The following SOX5 variants were observed in gnomAD, a reference collection of about 807,000 sequenced individuals.
The protein encoded by SOX5 is SRY-box transcription factor 5, also known as transcription factor SOX-5.
A neutral mutation model predicts 92.0 loss-of-function variants in SOX5; 9 were observed. The ratio of observed to expected loss-of-function variants is 0.10; its 90% CI spans 0.06 to 0.17. The LOEUF is 0.17. Ranked by LOEUF, SOX5 falls within the 10% of genes least tolerant of loss-of-function variation. SOX5 has a pLI of 1.00. For missense variants in SOX5, 642 were observed against 944.5 expected, an observed-to-expected ratio of 0.68 and a Z score of 4.20; for synonymous variants, 344 against 336.3, an observed-to-expected ratio of 1.02 and a Z score of -0.25.
intron 14 of SOX5, among the ~76,000 whole-genome samples, chr12:23,536,151 C>A (rs554000654): frequency 5.9e-5 from 9 of 152,236 alleles, no homozygotes; most frequent in African/African-American, 1.9e-4. Context: ...TAATGCAAAC[C>A]AATGAAGAAA....
chr12:24,261,151 G>T (rs868438690), intron 3 of SOX5, among the ~76,000 whole-genome samples: 3 of 149,698 alleles, frequency 2.0e-5, no homozygotes, highest in African/African-American at 7.4e-5. Context: ...AAAAGAATAA[G>T]AAATACTAAA....
intron 4 of SOX5, among the ~76,000 whole-genome samples, chr12:24,172,812 A>C (rs548133379): frequency 6.6e-6 from 1 of 152,316 alleles, no homozygotes; most frequent in South Asian, 2.1e-4. Context: ...AAAGAGAGTC[A>C]ATTAGGCTAT....
At chr12:24,306,229 G>A (rs184766003) in intron 2 of SOX5, among the ~76,000 whole-genome samples, 1 of 152,278 alleles carries the variant, frequency 6.6e-6, no homozygotes, top group East Asian at 1.9e-4. Context: ...GGGAAGCCAG[G>A]CACAAGTTGG....
intron 4 of SOX5, among the ~76,000 whole-genome samples, chr12:23,965,261 C>T (rs1395449476): frequency 6.6e-6 from 1 of 152,198 alleles, no homozygotes; most frequent in Non-Finnish European, 1.5e-5. Context: ...TATGTAGTGG[C>T]CTGACCGCTA....
chr12:24,036,693 T>C (rs1222648080), intron 4 of SOX5, among the ~76,000 whole-genome samples: 1 of 152,136 alleles, frequency 6.6e-6, no homozygotes, highest in Non-Finnish European at 1.5e-5. Context: ...GTGATTCAAA[T>C]GCATTTCTAC....
At chr12:24,369,853 A>G (rs975873082) in intron 1 of SOX5, among the ~76,000 whole-genome samples, 2 of 152,220 alleles carry the variant, frequency 1.3e-5, no homozygotes, top group Non-Finnish European at 2.9e-5. Context: ...AAATCTACAA[A>G]GTCCAAAAAG....
At chr12:24,507,562 A>G (rs1167255840) in intron 1 of SOX5, among the ~76,000 whole-genome samples, 1 of 152,222 alleles carries the variant, frequency 6.6e-6, no homozygotes, top group African/African-American at 2.4e-5. Flanking sequence ...CTTATTTGGA[A>G]CATTATTTTA....
At chr12:23,889,854 ATTTC>A (rs1348226345) in intron 2 of SOX5, among the ~76,000 whole-genome samples, 2 of 152,194 alleles carry the variant, frequency 1.3e-5, no homozygotes, top group African/African-American at 2.4e-5. Context: ...ATATATTCAG[ATTTC>A]TTTAACAATT....
At chr12:23,650,758 G>C (rs1419575747) in intron 7 of SOX5, among the ~76,000 whole-genome samples, 5 of 152,090 alleles carry the variant, frequency 3.3e-5, no homozygotes, top group Non-Finnish European at 5.9e-5. Flanking sequence ...GAAGCAAGTA[G>C]AGCTCATATC....
chr12:23,680,802 A>G (rs552161028), intron 6 of SOX5, among the ~76,000 whole-genome samples: 3 of 152,292 alleles, frequency 2.0e-5, no homozygotes, highest in Non-Finnish European at 4.4e-5. Context: ...TTAACAATAA[A>G]TATCACAACA....
At position 23,962,446 on chromosome 12, in the gene SOX5, C is replaced by G. The variant is rs140858167; in HGVS notation, c.-1-66422G>C. On this transcript the variant is annotated intron_variant, in intron 4 of 4. Transcript: ENST00000446891. ...TCAATAAGAAAACATAGGGTCTCCA[C>G]GTTAAAAATTATACATTAAAAAGGA... Among the ~76,000 whole-genome samples, 31 of 151,980 alleles carry G rather than the reference C, an allele frequency of 2.0e-4. No individual in the cohort carries two copies. The East Asian group carries it at 3.5e-3, about 17-fold the overall frequency.
At chr12:23,574,309 C>T (rs1334929479) in intron 10 of SOX5, among the ~76,000 whole-genome samples, 1 of 152,018 alleles carries the variant, frequency 6.6e-6, no homozygotes, top group Non-Finnish European at 1.5e-5. Context: ...CTCGTATTTC[C>T]AGCTTCTTCC....
intron 10 of SOX5, among the ~76,000 whole-genome samples, chr12:23,570,922 AAAAAAAAAATAT>A (rs1948120435): frequency 1.2e-4 from 5 of 43,140 alleles, no homozygotes; most frequent in African/African-American, 4.3e-4. Flanking sequence ...AAAAAAAAAA[AAAAAAAAAATAT>A]ATATATATAT....
intron 1 of SOX5, among the ~76,000 whole-genome samples, chr12:24,389,538 C>T (rs1958779822): frequency 6.6e-6 from 1 of 152,174 alleles, no homozygotes; most frequent in Non-Finnish European, 1.5e-5. Flanking sequence ...ACCCAGCATC[C>T]ATTAGCTATT....
chr12:24,054,929 G>A (rs116383110), intron 4 of SOX5, among the ~76,000 whole-genome samples: 2,133 of 152,184 alleles, frequency 0.014, 38 homozygotes, highest in African/African-American at 0.049. Context: ...GGGGAGTGAG[G>A]CGCGTGGAAA....
chr12:23,619,961 A>G (rs2076985418), intron 8 of SOX5, among the ~76,000 whole-genome samples: 1 of 152,178 alleles, frequency 6.6e-6, no homozygotes, highest in Admixed American at 6.6e-5. Flanking sequence ...ATAGAACAAG[A>G]AAGCCATCAA....
At chr12:24,054,945 C>G (rs1957953686) in intron 4 of SOX5, among the ~76,000 whole-genome samples, 2 of 151,884 alleles carry the variant, frequency 1.3e-5, no homozygotes, top group South Asian at 4.1e-4. Flanking sequence ...GGAAACTGAG[C>G]AAATGAGGAA....
At chr12:24,337,723 A>C (rs748108304) in intron 2 of SOX5, among the ~76,000 whole-genome samples, 6 of 152,234 alleles carry the variant, frequency 3.9e-5, no homozygotes, top group African/African-American at 9.6e-5. Context: ...CCATAAAATA[A>C]TCAGTTTTAA....
intron 3 of SOX5, among the ~76,000 whole-genome samples, chr12:23,842,314 G>A (rs2971153): frequency 0.65 from 98,377 of 151,846 alleles, 32,165 homozygotes; most frequent in East Asian, 0.77. Context: ...GTACAGATCA[G>A]TAAGAAATGA....
Sources: gnomAD v4.1 joint callset for allele counts (sites outside exome capture counted in the v4.1 genomes callset) on GRCh38, gnomAD v4.1.1 for gene constraint, MANE v1.5 for transcripts, NCBI Gene and HGNC (gene_info 2026-07-23, HGNC 2026-07-21) for gene names.